Variants in PCDHGB4 observed in about 807,000 individuals in gnomAD.
PCDHGB4 encodes protocadherin gamma-B4.
In PCDHGB4, 38 loss-of-function variants were observed where a neutral mutation model predicts 60.5. That is an observed-to-expected ratio of 0.63 (90% CI 0.48 to 0.82). The LOEUF (loss-of-function observed/expected upper bound fraction) is 0.82, where lower values mean the gene tolerates loss of function less well. Ranked by LOEUF, PCDHGB4 falls within the 40% of genes least tolerant of loss-of-function variation. The pLI, the probability that PCDHGB4 is intolerant of heterozygous loss-of-function variation, is 0.00. For synonymous variants in PCDHGB4, 456 were observed against 509.7 expected (o/e 0.89, Z 1.42); for missense variants, 1,109 against 1,209.6 (o/e 0.92, Z 1.23).
intron 1 of PCDHGB4, chr5:141,419,997 T>C: frequency 2.5e-6 from 4 of 1,614,088 alleles, no homozygotes; most frequent in Non-Finnish European, 3.4e-6. Flanking sequence ...GCTATTGCTC[T>C]ACGCCTGCGA....
At chr5:141,413,248 G>C in intron 1 of PCDHGB4, 1 of 1,613,962 alleles carries the variant, frequency 6.2e-7, no homozygotes, top group Non-Finnish European at 8.5e-7. Context: ...CCTTTTCTTC[G>C]GGATTCCATG....
At chr5:141,410,846 TGTC>T (rs1025068052) in intron 1 of PCDHGB4, 5 of 423,660 alleles carry the variant, frequency 1.2e-5, no homozygotes, top group South Asian at 4.0e-5. Flanking sequence ...ATTTTGTCTT[TGTC>T]TTTTTTTTTT....
In PCDHGB4 at chr5:141,413,348, T is replaced by C. The variant is rs1217580039; in HGVS notation, c.2397+23067T>C. On this transcript the variant is annotated intron_variant, in intron 1 of 3. Transcript: ENST00000519479. The stretch of plus-strand genomic sequence containing the variant: ...GGCAACATCTCCAAGGACTTGGGTC[T>C]GGCGCCCCGGGAGCTGGCGGAGCGC... The C allele has an allele frequency of 1.9e-6, 3 of 1,613,872 alleles. No homozygotes were observed. In the Admixed American group the frequency reaches 5.0e-5, roughly 27 times the overall value.
intron 1 of PCDHGB4, chr5:141,399,764 T>C: frequency 6.2e-7 from 1 of 1,613,252 alleles, no homozygotes; most frequent in Non-Finnish European, 8.5e-7. Flanking sequence ...AGCCTGCGCG[T>C]GTTGGTGGGC....
chr5:141,400,212 C>G (rs773459521), intron 1 of PCDHGB4: 4 of 1,614,058 alleles, frequency 2.5e-6, no homozygotes, highest in Non-Finnish European at 3.4e-6. Context: ...TGGCCTTGAT[C>G]TCAGTGCTCT....
chr5:141,433,192 A>G (rs756991371), intron 1 of PCDHGB4: 1 of 1,585,516 alleles, frequency 6.3e-7, no homozygotes, highest in Non-Finnish European at 8.6e-7. Flanking sequence ...AGGTGAGTTT[A>G]TATCAAATCT....
intron 1 of PCDHGB4, chr5:141,398,974 A>G (rs1486049931): frequency 1.4e-5 from 23 of 1,613,860 alleles, no homozygotes; most frequent in Non-Finnish European, 1.9e-5. Context: ...TTCCTTCTAC[A>G]GAACCGGGCA....
chr5:141,419,981 A>C, intron 1 of PCDHGB4: 2 of 1,614,052 alleles, frequency 1.2e-6, no homozygotes, highest in Non-Finnish European at 1.7e-6. Context: ...CCTCGCGGTG[A>C]TTCTAGCTAT....
chr5:141,509,586 T>A (rs2154594569), intron 3 of PCDHGB4, among the ~76,000 whole-genome samples: 1 of 152,302 alleles, frequency 6.6e-6, no homozygotes, highest in East Asian at 1.9e-4. Flanking sequence ...ACAAATCAGC[T>A]GGCAATTCCG....
intron 1 of PCDHGB4, chr5:141,426,449 G>A (rs1449929836): frequency 1.6e-5 from 5 of 307,646 alleles, no homozygotes; most frequent in East Asian, 8.0e-5. Flanking sequence ...GAGGACATGC[G>A]GCTGCATGTT....
intron 1 of PCDHGB4, chr5:141,413,841 T>A: frequency 6.2e-7 from 1 of 1,613,060 alleles, no homozygotes; most frequent in Non-Finnish European, 8.5e-7. Flanking sequence ...CCGACGGGGG[T>A]GACCCTCTCC....
intron 1 of PCDHGB4, among the ~76,000 whole-genome samples, chr5:141,450,899 A>G (rs1045595271): frequency 1.0e-4 from 15 of 149,514 alleles, no homozygotes; most frequent in African/African-American, 3.7e-4. Context: ...ATATCGGCTC[A>G]CTGCAACCGC....
rs532517723 is a variant in PCDHGB4, at chr5:141,486,244, A to G, written c.2398-8563A>G. The G allele has an allele frequency of 1.2e-5, 19 of 1,614,068 alleles. No homozygotes were observed. The Admixed American group carries it at 2.3e-4, about 20-fold the overall frequency. On this transcript the variant is annotated intron_variant, in intron 1 of 3. Coordinates refer to ENST00000519479, the MANE Select transcript of PCDHGB4 (RefSeq NM_003736.4). This position sits in a 1 kb window ranked among gnomAD's most constrained non-coding sequence, Gnocchi z 5.0. ...ACATCACAGTGACCTCAGAGCTTGGAACCCTCCCCGAGAGTGCAGAACCTG... is the reference window on the plus strand; with the variant it reads ...ACATCACAGTGACCTCAGAGCTTGGGACCCTCCCCGAGAGTGCAGAACCTG...
intron 2 of PCDHGB4, among the ~76,000 whole-genome samples, chr5:141,500,329 C>G (rs1384834356): frequency 6.6e-6 from 1 of 151,986 alleles, no homozygotes; most frequent in Non-Finnish European, 1.5e-5. Flanking sequence ...CTGCCTCAGC[C>G]TCCAGAATAG....
At chr5:141,418,013 A>G (rs769578436) in intron 1 of PCDHGB4, 45 of 1,613,788 alleles carry the variant, frequency 2.8e-5, no homozygotes, top group African/African-American at 4.0e-5. Flanking sequence ...GAACCTCGCT[A>G]AGGATCTAGG....
At position 141,486,209 on chromosome 5, in the gene PCDHGB4, A is replaced by C. The variant is rs749965379; in HGVS notation, c.2398-8598A>C. On this transcript the variant is annotated intron_variant, in intron 1 of 3. Transcript: ENST00000519479. The surrounding 1 kb of genome is among the most constrained non-coding windows in gnomAD (Gnocchi z 5.0). ...AGTGGATCTGCTGGACGTAAATGAC[A>C]ATGCCCCTTACATCACAGTGACCTC... 1 of 1,614,080 alleles carries C rather than the reference A, an allele frequency of 6.2e-7. No homozygotes were observed. Among genetic ancestry groups the C allele is most frequent in the South Asian group, 1.1e-5 (1 of 91,078 alleles).
At chr5:141,424,936 C>G (rs1160449329) in intron 1 of PCDHGB4, among the ~76,000 whole-genome samples, 1 of 152,182 alleles carries the variant, frequency 6.6e-6, no homozygotes, top group Non-Finnish European at 1.5e-5. Flanking sequence ...AGTCAACACT[C>G]TCACATCACT....
chr5:141,476,950 A>T lies in PCDHGB4; in HGVS notation c.2398-17857A>T, dbSNP rs1224572890. 2 of 1,614,158 alleles carry T rather than the reference A, an allele frequency of 1.2e-6. No homozygotes were observed. The highest frequency in any genetic ancestry group is 4.5e-5 in the East Asian group (2 of 44,878). ...ATCTGGATGAAGGCCCCAACGGTGA[A>T]ATTATTTACTCCTTCGGCAGCCACA... On this transcript the variant is annotated intron_variant, in intron 1 of 3. Transcript: ENST00000519479. The surrounding 1 kb of genome is among the most constrained non-coding windows in gnomAD (Gnocchi z 7.6).
chr5:141,466,020 G>A (rs973577698), intron 1 of PCDHGB4, among the ~76,000 whole-genome samples: 2 of 151,974 alleles, frequency 1.3e-5, no homozygotes, highest in South Asian at 4.1e-4. Context: ...TACTCGGGAG[G>A]GTGAGGCAGG....
Sources: allele counts gnomAD v4.1 joint callset (sites outside exome capture counted in the v4.1 genomes callset), GRCh38; gene constraint gnomAD v4.1.1; non-coding constraint Gnocchi (gnomAD v3.1); transcripts MANE v1.5; gene names NCBI Gene and HGNC (gene_info 2026-07-23, HGNC 2026-07-21).